Variants in SPRED2 observed in about 807,000 individuals in gnomAD.
The protein encoded by SPRED2 is sprouty-related, EVH1 domain-containing protein 2.
A neutral mutation model predicts 43.0 loss-of-function variants in SPRED2; 47 were observed. The observed-to-expected ratio is 1.09, with a 90% CI of 0.87 to 1.40. The LOEUF (loss-of-function observed/expected upper bound fraction) is 1.40. Among genes scored for constraint, SPRED2 ranks in the 40% most tolerant of loss-of-function variants. SPRED2 has a pLI of 0.00. For synonymous variants in SPRED2, 225 were observed against 225.7 expected (o/e 1.00, Z 0.03); for missense variants, 561 against 586.4 (o/e 0.96, Z 0.45).
intron 1 of SPRED2, among the ~76,000 whole-genome samples, chr2:65,425,377 A>C (rs1676533131): frequency 6.6e-6 from 1 of 152,262 alleles, no homozygotes; most frequent in South Asian, 2.1e-4. Context: ...TCTAAGTGCA[A>C]GTAAACACAG....
rs1197674626 is a variant in SPRED2 at position 65,379,240 on chromosome 2, GA to G, written c.27-34345del. Among the ~76,000 whole-genome samples, 124 of 152,244 alleles carry G rather than the reference GA, an allele frequency of 8.1e-4. 1 individual carries two copies. The highest frequency in any genetic ancestry group is 6.8e-3 in the Middle Eastern group (2 of 294). On this transcript the variant is annotated intron_variant, in intron 1 of 5. Coordinates refer to ENST00000356388, the MANE Select transcript of SPRED2 (RefSeq NM_181784.3). Reference sequence around the variant, plus strand: ...ATTGAGTGTTCCCCCTCACCCACCTGAGCATTAAGTGCTAATGTGCATCTTG... The same window carrying G: ...ATTGAGTGTTCCCCCTCACCCACCTGGCATTAAGTGCTAATGTGCATCTTG...
intron 1 of SPRED2, among the ~76,000 whole-genome samples, chr2:65,346,591 G>A (rs963217050): frequency 3.9e-5 from 6 of 151,924 alleles, no homozygotes; most frequent in Admixed American, 3.9e-4. Flanking sequence ...GATACTCTAG[G>A]TACCTCATAT....
chr2:65,416,325 A>G (rs1481798193), intron 1 of SPRED2, among the ~76,000 whole-genome samples: 1 of 152,164 alleles, frequency 6.6e-6, no homozygotes. Flanking sequence ...TTGTTGAGAC[A>G]GTTGGGGGGG....
At chr2:65,310,363 T>C (rs1360261029), downstream of SPRED2, among the ~76,000 whole-genome samples, 3 of 151,722 alleles carry the variant, frequency 2.0e-5, no homozygotes, top group Non-Finnish European at 4.4e-5. Flanking sequence ...AAGTGTCAAT[T>C]TGGAAAGGAA....
intron 1 of SPRED2, among the ~76,000 whole-genome samples, chr2:65,386,630 A>G (rs534457437): frequency 1.2e-4 from 19 of 152,344 alleles, no homozygotes; most frequent in Middle Eastern, 3.4e-3. Context: ...AATATACATC[A>G]TCTTCATCCT....
chr2:65,334,872 C>A, intron 2 of SPRED2, 99 bp from the exon 3 acceptor site: 1 of 1,222,118 alleles, frequency 8.2e-7, no homozygotes, highest in Non-Finnish European at 1.2e-6. Context: ...TGGCAACTAC[C>A]AAAACCCCTC....
intron 1 of SPRED2, among the ~76,000 whole-genome samples, chr2:65,425,760 C>G (rs1676542229): frequency 6.6e-6 from 1 of 152,214 alleles, no homozygotes; most frequent in Admixed American, 6.5e-5. Context: ...TCACAATGTT[C>G]TAGATTTAAA....
chr2:65,375,511 C>T (rs539351310), intron 1 of SPRED2, among the ~76,000 whole-genome samples: 2 of 152,310 alleles, frequency 1.3e-5, no homozygotes, highest in East Asian at 1.9e-4. Flanking sequence ...CCACTCTCTT[C>T]ATTTAGCTGG....
At chr2:65,371,082 G>A (rs528006092) in intron 1 of SPRED2, among the ~76,000 whole-genome samples, 1 of 152,294 alleles carries the variant, frequency 6.6e-6, no homozygotes, top group South Asian at 2.1e-4. Context: ...CCACCCTGTC[G>A]CTGCCCGTAA....
intron 1 of SPRED2, among the ~76,000 whole-genome samples, chr2:65,349,031 G>A (rs551322655): frequency 6.6e-6 from 1 of 152,282 alleles, no homozygotes; most frequent in South Asian, 2.1e-4. Context: ...CTTCTGGGCT[G>A]GGCGCAGTGG....
rs186788804 is a variant in SPRED2, at chr2:65,335,080, T to C, written c.205-307A>G. 3.9e-5 allele frequency among the ~76,000 whole-genome samples: 6 copies of C among 152,318 alleles called. No homozygotes were observed. In the East Asian group the frequency reaches 1.2e-3, roughly 29 times the overall value. ...TCAGGTCTTGGGTCTTGGCTGTATT[T>C]CAGATTACTGCTTTTATGTTGGGGT... is the stretch of plus-strand genomic sequence containing the variant. On this transcript the variant is annotated intron_variant, in intron 2 of 5. Coordinates refer to ENST00000356388, the MANE Select transcript of SPRED2 (RefSeq NM_181784.3).
intron 4 of SPRED2, among the ~76,000 whole-genome samples, chr2:65,322,288 A>ATCTC (rs1286632853): frequency 4.5e-5 from 4 of 88,546 alleles, no homozygotes; most frequent in Admixed American, 2.5e-4. Context: ...ATATATATAT[A>ATCTC]TATATATTTT....
intron 1 of SPRED2, among the ~76,000 whole-genome samples, chr2:65,385,577 C>A (rs1675475829): frequency 6.6e-6 from 1 of 152,086 alleles, no homozygotes; most frequent in African/African-American, 2.4e-5. Flanking sequence ...CCCTCTTTCA[C>A]CTTCCTGGTC....
rs1673827646 is a variant in SPRED2, at chr2:65,332,024, T to C, written c.401A>G (p.His134Arg). Residue 134 changes from histidine (H) to arginine (R), a missense_variant, in exon 4 of 6, where the codon CAT becomes CGT. His to Arg is a conservative substitution (Grantham distance 29). Around this residue, in one of 6 missense-constraint regions of SPRED2, gnomAD observed 305 missense variants for 282.4 expected, o/e 1.08. Transcript: ENST00000356388. ...ATCATCGCCAAGCTCAGCTTCATTA[T>C]GGATGGTGGAAGATGACGTTGTTGA... ...EGSTTSSSTIHNEAELGDDDV... is the reference protein window; with the variant it reads ...EGSTTSSSTIRNEAELGDDDV... The C allele has an allele frequency of 1.2e-6, 2 of 1,610,016 alleles. No individual in the cohort carries two copies. The highest frequency in any genetic ancestry group is 1.7e-6 in the Non-Finnish European group (2 of 1,177,552).
At chr2:65,427,806 G>A (rs908612290) in intron 1 of SPRED2, among the ~76,000 whole-genome samples, 2 of 152,164 alleles carry the variant, frequency 1.3e-5, no homozygotes, top group Admixed American at 1.3e-4. Context: ...GACTGAGGCT[G>A]GACCACCCCA....
At chr2:65,309,092 GGTGCAGTAA>G (rs1393048266), downstream of SPRED2, among the ~76,000 whole-genome samples, 1 of 151,620 alleles carries the variant, frequency 6.6e-6, no homozygotes, top group Non-Finnish European at 1.5e-5. Flanking sequence ...GGAGGCGAAG[GGTGCAGTAA>G]GCCAAGATCA....
At chr2:65,317,673 G>GCCCC (rs1673284332) in intron 4 of SPRED2, among the ~76,000 whole-genome samples, 1 of 152,186 alleles carries the variant, frequency 6.6e-6, no homozygotes, top group Admixed American at 6.5e-5. Flanking sequence ...TGTTTATATG[G>GCCCC]AGGGGGGAAA....
chr2:65,392,397 A>C (rs888239003), intron 1 of SPRED2, among the ~76,000 whole-genome samples: 9 of 151,960 alleles, frequency 5.9e-5, no homozygotes. Context: ...GCTGGTCTCG[A>C]ACTCTTGGGC....
At chr2:65,430,784 C>T (rs1676663016) in intron 1 of SPRED2, among the ~76,000 whole-genome samples, 1 of 152,070 alleles carries the variant, frequency 6.6e-6, no homozygotes, top group South Asian at 2.1e-4. Context: ...ATGAAAGGAA[C>T]GGATGCAGGC....
Sources: allele counts gnomAD v4.1 joint callset (sites outside exome capture counted in the v4.1 genomes callset), GRCh38; gene constraint gnomAD v4.1.1; regional missense constraint gnomAD v4.1.1; transcripts MANE v1.5; gene names NCBI Gene and HGNC (gene_info 2026-07-23, HGNC 2026-07-21).